NRXN3: variants seen among roughly 807,000 people sequenced by gnomAD.
NRXN3 encodes neurexin III.
A neutral mutation model predicts 137.6 loss-of-function variants in NRXN3; 32 were observed. The observed-to-expected ratio is 0.23, with a 90% CI of 0.18 to 0.31. The LOEUF (loss-of-function observed/expected upper bound fraction) is 0.31. Ranked by LOEUF, NRXN3 falls within the 10% of genes least tolerant of loss-of-function variation. The pLI is 1.00. For synonymous variants in NRXN3, 798 were observed against 784.5 expected (o/e 1.02, Z -0.29); for missense variants, 1,574 against 2,062.5 (o/e 0.76, Z 4.59).
At chr14:79,520,455 C>T (rs1161969208) in intron 16 of NRXN3, among the ~76,000 whole-genome samples, 1 of 152,082 alleles carries the variant, frequency 6.6e-6, no homozygotes, top group African/African-American at 2.4e-5. Context: ...AGCCCTCTAC[C>T]CTCTGACAGT....
At chr14:79,683,565 A>G (rs2098681122) in intron 17 of NRXN3, among the ~76,000 whole-genome samples, 1 of 152,212 alleles carries the variant, frequency 6.6e-6, no homozygotes, top group African/African-American at 2.4e-5. Context: ...GTAAACTAAA[A>G]TAATAAAAGT....
At chr14:78,638,902 G>A (rs915640453) in intron 4 of NRXN3, among the ~76,000 whole-genome samples, 1 of 152,166 alleles carries the variant, frequency 6.6e-6, no homozygotes. Context: ...TTCCCTAGAC[G>A]TTTCTTTCTG....
At chr14:78,759,422 G>C (rs1283310288) in intron 8 of NRXN3, among the ~76,000 whole-genome samples, 1 of 152,208 alleles carries the variant, frequency 6.6e-6, no homozygotes, top group Admixed American at 6.5e-5. Flanking sequence ...ACTGGGGCTT[G>C]ATGAAGTTAA....
chr14:79,118,158 A>G (rs2054783416), intron 15 of NRXN3, among the ~76,000 whole-genome samples: 1 of 151,262 alleles, frequency 6.6e-6, no homozygotes, highest in Non-Finnish European at 1.5e-5. Context: ...CATGAGGGAA[A>G]AAAAAAAAAA....
chr14:78,413,685 G>T (rs1483623787), intron 4 of NRXN3, among the ~76,000 whole-genome samples: 1 of 152,144 alleles, frequency 6.6e-6, no homozygotes, highest in Non-Finnish European at 1.5e-5. Context: ...AGACAATTCT[G>T]CAGAGAAGGA....
intron 6 of NRXN3, among the ~76,000 whole-genome samples, chr14:78,706,503 A>G (rs1044039001): frequency 3.3e-5 from 5 of 152,174 alleles, no homozygotes; most frequent in African/African-American, 1.2e-4. Context: ...GGTTCTGAGC[A>G]TATGGACCCT....
chr14:78,437,574 C>T (rs927789276), intron 4 of NRXN3, among the ~76,000 whole-genome samples: 6 of 152,150 alleles, frequency 3.9e-5, no homozygotes, highest in African/African-American at 1.4e-4. Flanking sequence ...GTCTTGAACT[C>T]CTGACCTCAA....
chr14:78,515,598 G>A (rs1274633008), intron 4 of NRXN3, among the ~76,000 whole-genome samples: 1 of 151,982 alleles, frequency 6.6e-6, no homozygotes, highest in Non-Finnish European at 1.5e-5. Context: ...TATACAACCT[G>A]TTAAAAAGTG....
chr14:78,463,574 A>C (rs988539889), intron 4 of NRXN3, among the ~76,000 whole-genome samples: 1 of 150,044 alleles, frequency 6.7e-6, no homozygotes, highest in Non-Finnish European at 1.5e-5. Context: ...TTAATAATAA[A>C]ATATGTTTTT....
At chr14:79,196,634 T>C (rs2065165380) in intron 15 of NRXN3, among the ~76,000 whole-genome samples, 1 of 136,716 alleles carries the variant, frequency 7.3e-6, no homozygotes, top group African/African-American at 2.6e-5. Context: ...TATGCTGTGA[T>C]TGATATAGAT....
chr14:78,526,344 C>A (rs2096379071), intron 4 of NRXN3, among the ~76,000 whole-genome samples: 1 of 152,218 alleles, frequency 6.6e-6, no homozygotes, highest in African/African-American at 2.4e-5. Flanking sequence ...GGGCCTCAAA[C>A]TTCAAATCTG....
intron 19 of NRXN3, among the ~76,000 whole-genome samples, chr14:79,733,834 G>C (rs1162783945): frequency 1.3e-5 from 2 of 152,016 alleles, no homozygotes; most frequent in African/African-American, 4.8e-5. Context: ...TTTTCCTGTG[G>C]GATTTTCAGC....
chr14:79,224,600 T>G (rs1159562268), intron 15 of NRXN3, among the ~76,000 whole-genome samples: 1 of 152,164 alleles, frequency 6.6e-6, no homozygotes. Context: ...TGTTGAGCAG[T>G]GTTCCTCCAA....
chr14:79,689,125 G>A (rs2098706542), intron 17 of NRXN3, among the ~76,000 whole-genome samples: 1 of 151,874 alleles, frequency 6.6e-6, no homozygotes, highest in Non-Finnish European at 1.5e-5. Flanking sequence ...CTACTCATAG[G>A]GCCATTCTTT....
At chr14:78,859,526 C>T (rs568354703) in intron 10 of NRXN3, among the ~76,000 whole-genome samples, 4 of 152,200 alleles carry the variant, frequency 2.6e-5, no homozygotes, top group Middle Eastern at 3.4e-3. Context: ...GCGTTTATAA[C>T]AGAACAGCAA....
rs147498614 is a variant in NRXN3 at position 79,000,243 on chromosome 14, C to A, written c.3262+12102C>A. Among the ~76,000 whole-genome samples the A allele has an allele frequency of 3.9e-3, 586 of 151,760 alleles. 17 individuals are homozygous for A. Among genetic ancestry groups the A allele is most frequent in the East Asian group, 0.03 (157 of 5,170 alleles). On this transcript the variant is annotated intron_variant, in intron 15 of 20. Coordinates refer to ENST00000335750, the MANE Select transcript of NRXN3 (RefSeq NM_001330195.2). The stretch of plus-strand genomic sequence containing the variant: ...TCAGATATTCTTATGTGAGTGAAAT[C>A]AAATGCATGTATGTGCATACATATG...
chr14:78,382,191 G>T (rs940395806), intron 4 of NRXN3, among the ~76,000 whole-genome samples: 1 of 152,230 alleles, frequency 6.6e-6, no homozygotes, highest in Non-Finnish European at 1.5e-5. Flanking sequence ...ATCAGAACAT[G>T]TGTTCAGGCC....
At chr14:78,292,367 T>C (rs2075886103) in intron 3 of NRXN3, among the ~76,000 whole-genome samples, 1 of 152,226 alleles carries the variant, frequency 6.6e-6, no homozygotes, top group African/African-American at 2.4e-5. Flanking sequence ...AATTTCAACT[T>C]TGTATGCCTT....
intron 15 of NRXN3, among the ~76,000 whole-genome samples, chr14:79,075,023 G>A (rs544659931): frequency 1.3e-5 from 2 of 152,202 alleles, no homozygotes; most frequent in East Asian, 3.9e-4. Context: ...GTTTCTTTCT[G>A]CTTTAACAAA....
Sources: gnomAD v4.1 joint callset for allele counts (sites outside exome capture counted in the v4.1 genomes callset) on GRCh38, gnomAD v4.1.1 for gene constraint, MANE v1.5 for transcripts, NCBI Gene and HGNC (gene_info 2026-07-23, HGNC 2026-07-21) for gene names.